ZNF451: variants seen among roughly 807,000 people sequenced by gnomAD.
ZNF451 encodes the protein zinc finger protein 451.
Under a neutral mutation model 107.1 loss-of-function variants are expected in ZNF451, and 80 were observed. The observed-to-expected ratio is 0.75, with a 90% CI of 0.62 to 0.90. The LOEUF (loss-of-function observed/expected upper bound fraction) is 0.90. ZNF451 is among the 40% of genes least tolerant of loss of function. ZNF451 has a pLI of 0.00. For synonymous variants in ZNF451, 362 were observed against 406.5 expected (o/e 0.89, Z 1.32); for missense variants, 1,107 against 1,236.2 (o/e 0.90, Z 1.57).
chr6:57,095,273 A>G (rs748933187), intron 2 of ZNF451, among the ~76,000 whole-genome samples: 5 of 149,588 alleles, frequency 3.3e-5, no homozygotes, highest in Admixed American at 6.6e-5. Flanking sequence ...TGTTGAATGT[A>G]TAAATATTCT....
At chr6:57,128,013 G>A (rs1280686306) in intron 4 of ZNF451, among the ~76,000 whole-genome samples, 1 of 152,162 alleles carries the variant, frequency 6.6e-6, no homozygotes, top group East Asian at 1.9e-4. Context: ...AGTAGTGGCA[G>A]TAAAGAGTCT....
intron 3 of ZNF451, chr6:57,102,140 C>G (rs1186296835): frequency 1.4e-6 from 2 of 1,456,086 alleles, no homozygotes; most frequent in Non-Finnish European, 1.8e-6. Context: ...AAGATCCTAA[C>G]TATTTTACTT....
chr6:57,121,260 A>G (rs558249090), intron 3 of ZNF451, among the ~76,000 whole-genome samples: 4 of 152,254 alleles, frequency 2.6e-5, no homozygotes, highest in Non-Finnish European at 5.9e-5. Flanking sequence ...TTTTGACAGT[A>G]CCACACAGTC....
intron 3 of ZNF451, among the ~76,000 whole-genome samples, chr6:57,121,196 T>C (rs1245801800): frequency 6.6e-6 from 1 of 152,168 alleles, no homozygotes; most frequent in Non-Finnish European, 1.5e-5. Flanking sequence ...GTTGACTTTA[T>C]TTATGTGGGT....
intron 14 of ZNF451, chr6:57,165,818 C>T (rs1763871051): frequency 6.6e-6 from 1 of 152,064 alleles, no homozygotes; most frequent in South Asian, 2.1e-4. Context: ...GACATTGTAA[C>T]ATAATGGTAA....
At chr6:57,102,280 G>A in intron 3 of ZNF451, 1 of 1,310,792 alleles carries the variant, frequency 7.6e-7, no homozygotes, top group African/African-American at 1.5e-5. Flanking sequence ...AGAAACTCAT[G>A]ACTTATTGGC....
chr6:57,105,602 C>G (rs1829815352), intron 3 of ZNF451: 1 of 985,262 alleles, frequency 1.0e-6, no homozygotes, highest in Non-Finnish European at 1.2e-6. Context: ...CCTCCCTCCC[C>G]CTTATTTAAC....
chr6:57,131,473 A>C (rs1447213439), intron 5 of ZNF451, among the ~76,000 whole-genome samples: 2 of 152,142 alleles, frequency 1.3e-5, no homozygotes, highest in Non-Finnish European at 2.9e-5. Flanking sequence ...CAATTATAAC[A>C]GTTTTCATAA....
intron 3 of ZNF451, among the ~76,000 whole-genome samples, chr6:57,121,333 C>G (rs1299436138): frequency 6.6e-6 from 1 of 152,130 alleles, no homozygotes; most frequent in Admixed American, 6.5e-5. Context: ...TGACTTTGTT[C>G]TCCTTCAGTA....
At chr6:57,106,725 A>G (rs1048294621) in intron 3 of ZNF451, 58 of 984,830 alleles carry the variant, frequency 5.9e-5, no homozygotes, top group Non-Finnish European at 6.4e-5. Flanking sequence ...GGCTAGTCCA[A>G]TAATTGATTG....
At chr6:57,117,759 A>G (rs1830441537) in intron 3 of ZNF451, among the ~76,000 whole-genome samples, 1 of 152,184 alleles carries the variant, frequency 6.6e-6, no homozygotes, top group Non-Finnish European at 1.5e-5. Flanking sequence ...GTATGCTTTA[A>G]AGTAAACATT....
chr6:57,163,177 T>TA (rs1763744547), intron 14 of ZNF451, among the ~76,000 whole-genome samples: 1 of 152,152 alleles, frequency 6.6e-6, no homozygotes, highest in African/African-American at 2.4e-5. Context: ...GGTTGAACCA[T>TA]ATAGAATTGC....
intron 3 of ZNF451, among the ~76,000 whole-genome samples, chr6:57,110,812 C>T (rs369732303): frequency 6.6e-6 from 1 of 151,986 alleles, no homozygotes; most frequent in African/African-American, 2.4e-5. Flanking sequence ...TAGACCTTGT[C>T]CCAGTAATAT....
rs1193058998 is a variant in ZNF451, at chr6:57,133,009, A to C, written c.425-33A>C. ...AGCCCAAAGGATAAGTATCTGAAAT[A>C]ATAACCTAAGAATTCATATTCTGAT... On this transcript the variant is annotated intron_variant, in intron 5 of 14. Coordinates refer to ENST00000370706, the MANE Select transcript of ZNF451 (RefSeq NM_001031623.3). 4.3e-6 allele frequency: 7 copies of C among 1,611,286 alleles called. No homozygotes were observed. The South Asian group carries it at 7.7e-5, about 18-fold the overall frequency.
chr6:57,168,455 C>A lies in ZNF451; in HGVS notation c.3172C>A (p.Leu1058Ile), dbSNP rs935757045. The A allele has an allele frequency of 1.2e-6, 2 of 1,607,628 alleles. No homozygotes were observed. Among genetic ancestry groups the A allele is most frequent in the South Asian group, 1.1e-5 (1 of 89,982 alleles). ...ATTAGAAGAAGCTATTAGAAGAAGT[C>A]TTGAGGAAATGTAATTAAAGATATT... ...VELEEAIRRS[L>I]EEM The change falls in exon 15 of 15, where the codon CTT becomes ATT. Residue 1058 changes from leucine (L) to isoleucine (I), a missense_variant. Coordinates refer to ENST00000370706, the MANE Select transcript of ZNF451 (RefSeq NM_001031623.3).
chr6:57,095,724 A>G (rs926223863), intron 2 of ZNF451, among the ~76,000 whole-genome samples: 15 of 151,980 alleles, frequency 9.9e-5, no homozygotes, highest in African/African-American at 3.6e-4. Flanking sequence ...ATGTTTGCAT[A>G]TTGGTTTAAT....
At chr6:57,165,701 A>ATACATAAGACAGTTGGCT (rs1386281368) in intron 14 of ZNF451, 1 of 152,188 alleles carries the variant, frequency 6.6e-6, no homozygotes. Flanking sequence ...TTCTTTGAAC[A>ATACATAAGACAGTTGGCT]TACATAAGAC....
At chr6:57,138,577 T>C (rs1210095297) in intron 7 of ZNF451, among the ~76,000 whole-genome samples, 2 of 151,180 alleles carry the variant, frequency 1.3e-5, no homozygotes, top group Non-Finnish European at 3.0e-5. Flanking sequence ...TTTTTTATTG[T>C]ACAAATTTGT....
chr6:57,108,180 G>A, intron 3 of ZNF451: 2 of 985,330 alleles, frequency 2.0e-6, no homozygotes, highest in Non-Finnish European at 2.4e-6. Flanking sequence ...TTGACCTTAA[G>A]TGCTTCAAGA....
Sources: allele counts gnomAD v4.1 joint callset (sites outside exome capture counted in the v4.1 genomes callset), GRCh38; gene constraint gnomAD v4.1.1; transcripts MANE v1.5; gene names NCBI Gene and HGNC (gene_info 2026-07-23, HGNC 2026-07-21).